The following LSAMP variants were observed in gnomAD, a reference collection of about 807,000 sequenced individuals.
The protein encoded by LSAMP is limbic system associated membrane protein, also known as limbic system-associated membrane protein.
LSAMP carries 7 observed loss-of-function variants against 38.6 expected under a neutral mutation model. That is an observed-to-expected ratio of 0.18 (90% CI 0.10 to 0.34). The LOEUF is 0.34. LSAMP is among the 10% of genes least tolerant of loss of function. The pLI is 1.00. For synonymous variants in LSAMP, 154 were observed against 166.8 expected, an observed-to-expected ratio of 0.92 and a Z score of 0.59; for missense variants, 313 against 420.0, an observed-to-expected ratio of 0.75 and a Z score of 2.23.
chr3:115,998,736 G>A (rs1193208902), intron 3 of LSAMP, among the ~76,000 whole-genome samples: 2 of 152,108 alleles, frequency 1.3e-5, no homozygotes, highest in African/African-American at 4.8e-5. Context: ...GATGCTTTGA[G>A]ACGAAGAGTG....
chr3:116,321,562 C>T (rs751211035), intron 1 of LSAMP, among the ~76,000 whole-genome samples: 12 of 151,822 alleles, frequency 7.9e-5, no homozygotes, highest in East Asian at 5.8e-4. Context: ...GTTTTTTTTA[C>T]GGCTGGGGAA....
At chr3:115,908,617 C>T (rs1283947873) in intron 3 of LSAMP, among the ~76,000 whole-genome samples, 4 of 152,118 alleles carry the variant, frequency 2.6e-5, no homozygotes, top group Admixed American at 2.0e-4. Flanking sequence ...TTATATAGAA[C>T]TTATTCCTAC....
At chr3:115,997,205 G>A (rs544182989) in intron 3 of LSAMP, among the ~76,000 whole-genome samples, 3 of 152,220 alleles carry the variant, frequency 2.0e-5, no homozygotes, top group African/African-American at 7.2e-5. Flanking sequence ...TCATTTATAT[G>A]CTAAGTAATT....
At chr3:115,927,577 C>G (rs1937518094) in intron 3 of LSAMP, among the ~76,000 whole-genome samples, 1 of 152,160 alleles carries the variant, frequency 6.6e-6, no homozygotes, top group African/African-American at 2.4e-5. Context: ...TGGAAAGGTT[C>G]TGCATTCCTC....
chr3:116,290,497 C>T (rs1225093137), intron 1 of LSAMP, among the ~76,000 whole-genome samples: 5 of 151,702 alleles, frequency 3.3e-5, no homozygotes, highest in South Asian at 2.1e-4. Flanking sequence ...TTTGGGAGGC[C>T]GAGGCAGGCA....
intron 3 of LSAMP, among the ~76,000 whole-genome samples, chr3:115,890,721 G>A (rs1936577537): frequency 6.6e-6 from 1 of 151,894 alleles, no homozygotes; most frequent in African/African-American, 2.4e-5. Context: ...AAGCCTTCAT[G>A]TACTCATTGA....
chr3:115,885,220 C>T (rs992535697), intron 3 of LSAMP, among the ~76,000 whole-genome samples: 18 of 151,904 alleles, frequency 1.2e-4, no homozygotes, highest in African/African-American at 2.7e-4. Flanking sequence ...GCAGAATTTG[C>T]GTTTGTCTGT....
intron 3 of LSAMP, among the ~76,000 whole-genome samples, chr3:115,937,784 GC>G (rs1394384218): frequency 0.017 from 26 of 1,558 alleles, no homozygotes; most frequent in African/African-American, 0.02. Flanking sequence ...AATGATATTG[GC>G]TAATCCTGTA....
chr3:115,924,277 G>A (rs1937449153), intron 3 of LSAMP, among the ~76,000 whole-genome samples: 1 of 152,004 alleles, frequency 6.6e-6, no homozygotes, highest in Non-Finnish European at 1.5e-5. Flanking sequence ...TTCCATTGTG[G>A]CCATCTAATC....
At chr3:116,010,550 G>T (rs1043601873) in intron 3 of LSAMP, among the ~76,000 whole-genome samples, 1 of 152,164 alleles carries the variant, frequency 6.6e-6, no homozygotes, top group Non-Finnish European at 1.5e-5. Flanking sequence ...AACAATTGCT[G>T]ATAATAAATG....
At chr3:116,201,372 G>C (rs2045983948) in intron 1 of LSAMP, among the ~76,000 whole-genome samples, 1 of 152,162 alleles carries the variant, frequency 6.6e-6, no homozygotes, top group Admixed American at 6.5e-5. Context: ...GGCAGGGACA[G>C]TGTCTTAGTC....
intron 3 of LSAMP, among the ~76,000 whole-genome samples, chr3:115,940,800 A>C (rs1937892977): frequency 6.6e-6 from 1 of 152,096 alleles, no homozygotes; most frequent in Non-Finnish European, 1.5e-5. Flanking sequence ...TGCTGTTTTG[A>C]TTAATATACC....
At chr3:116,150,844 GAAGA>G (rs1391015368) in intron 1 of LSAMP, among the ~76,000 whole-genome samples, 1 of 151,986 alleles carries the variant, frequency 6.6e-6, no homozygotes, top group Admixed American at 6.6e-5. Context: ...AATTTAGAAA[GAAGA>G]AAAACCTGCT....
intron 1 of LSAMP, among the ~76,000 whole-genome samples, chr3:116,340,897 G>A (rs1299066303): frequency 1.3e-5 from 2 of 151,938 alleles, no homozygotes; most frequent in East Asian, 3.9e-4. Context: ...GCAATTCTTT[G>A]TAATTTTCTC....
intron 3 of LSAMP, among the ~76,000 whole-genome samples, chr3:115,913,282 G>A (rs868759775): frequency 3.3e-5 from 5 of 152,240 alleles, no homozygotes; most frequent in Admixed American, 1.3e-4. Flanking sequence ...TGGAGAGAAT[G>A]TAAATGATAC....
chr3:115,867,667 A>G (rs1044908636), intron 3 of LSAMP, among the ~76,000 whole-genome samples: 1 of 152,140 alleles, frequency 6.6e-6, no homozygotes, highest in Non-Finnish European at 1.5e-5. Flanking sequence ...AAGAGCAGGA[A>G]GAAAATGCCA....
intron 2 of LSAMP, among the ~76,000 whole-genome samples, chr3:116,052,290 GAGA>G (rs1235720622): frequency 6.6e-6 from 1 of 152,140 alleles, no homozygotes; most frequent in Non-Finnish European, 1.5e-5. Context: ...GCAGCAACAG[GAGA>G]AGAAGAGAGA....
intron 3 of LSAMP, among the ~76,000 whole-genome samples, chr3:115,928,948 G>A (rs1243314487): frequency 6.8e-6 from 1 of 146,020 alleles, no homozygotes; most frequent in Non-Finnish European, 1.5e-5. Context: ...TGTGACTTAT[G>A]GCTTATCATG....
At chr3:116,145,620 A>G (rs560917201) in intron 1 of LSAMP, among the ~76,000 whole-genome samples, 1 of 152,108 alleles carries the variant, frequency 6.6e-6, no homozygotes, top group Admixed American at 6.6e-5. Context: ...CTTCACAGCA[A>G]TATCTGGACT....
Sources: allele counts gnomAD v4.1 joint callset (sites outside exome capture counted in the v4.1 genomes callset), GRCh38; gene constraint gnomAD v4.1.1; transcripts MANE v1.5; gene names NCBI Gene and HGNC (gene_info 2026-07-23, HGNC 2026-07-21).